Variants in EPS15 observed in about 807,000 individuals in gnomAD.
EPS15 encodes the protein epidermal growth factor receptor pathway substrate 15, also known as epidermal growth factor receptor substrate 15.
EPS15 carries 72 observed loss-of-function variants against 113.8 expected under a neutral mutation model. That is an observed-to-expected ratio of 0.63 (90% CI 0.52 to 0.77). The LOEUF (loss-of-function observed/expected upper bound fraction) is 0.77. Ranked by LOEUF, EPS15 falls within the 30% of genes least tolerant of loss-of-function variation. The pLI is 0.00. For missense variants in EPS15, 1,048 were observed against 1,045.8 expected (o/e 1.00, Z -0.03); for synonymous variants, 344 against 363.4 (o/e 0.95, Z 0.61).
chr1:51,356,811 C>G lies in EPS15; in HGVS notation c.2580G>C (p.Lys860Asn), dbSNP rs1295375727. ...GCTCTTCCTCTCTCTCACTTTCCCT[C>G]TTGGCCCATTCGATCATATCTTCTT... ...PSEEDMIEWAKRESEREEEQR... is the reference protein window; with the variant it reads ...PSEEDMIEWANRESEREEEQR... Residue 860 changes from lysine to asparagine, a missense_variant, in exon 25 of 25, where the codon AAG (lysine) becomes AAC (asparagine). Transcript: ENST00000371733. 1.2e-6 allele frequency: 2 copies of G among 1,613,742 alleles called. No individual in the cohort carries two copies. The highest frequency in any genetic ancestry group is 2.7e-5 in the African/African-American group (2 of 74,912).
chr1:51,419,023 A>C (rs1389696212), intron 13 of EPS15, among the ~76,000 whole-genome samples: 1 of 152,194 alleles, frequency 6.6e-6, no homozygotes, highest in East Asian at 1.9e-4. Flanking sequence ...AATTTTTAAT[A>C]AGATCATACA....
At chr1:51,487,047 C>T (rs572232505) in intron 1 of EPS15, among the ~76,000 whole-genome samples, 4 of 152,154 alleles carry the variant, frequency 2.6e-5, no homozygotes, top group Non-Finnish European at 5.9e-5. Context: ...TAACTGGGGA[C>T]AGCAGCACAT....
chr1:51,372,951 CT>C, intron 21 of EPS15: 1 of 529,126 alleles, frequency 1.9e-6, no homozygotes, highest in South Asian at 2.1e-5. Context: ...TGCAGGAAGT[CT>C]TCAATCTGCT....
At chr1:51,493,688 G>T (rs1256873633) in intron 1 of EPS15, among the ~76,000 whole-genome samples, 1 of 150,922 alleles carries the variant, frequency 6.6e-6, no homozygotes, top group African/African-American at 2.4e-5. Flanking sequence ...GCACGATCTC[G>T]GCTCACTGCA....
intron 21 of EPS15, among the ~76,000 whole-genome samples, chr1:51,391,297 C>T (rs1375813720): frequency 3.3e-5 from 5 of 151,910 alleles, no homozygotes; most frequent in Admixed American, 6.6e-5. Context: ...GGGAACATCA[C>T]ACACCATGGC....
At chr1:51,409,162 T>TC (rs1166467672) in intron 14 of EPS15, among the ~76,000 whole-genome samples, 4 of 151,856 alleles carry the variant, frequency 2.6e-5, no homozygotes, top group Non-Finnish European at 5.9e-5. Context: ...CTCCAGCAAT[T>TC]CCCCCCGCCT....
chr1:51,388,502 C>T (rs1462306053), intron 21 of EPS15, among the ~76,000 whole-genome samples: 1 of 151,980 alleles, frequency 6.6e-6, no homozygotes, highest in Admixed American at 6.6e-5. Context: ...GACAAAAAAG[C>T]CCTTCAAAAT....
intron 21 of EPS15, among the ~76,000 whole-genome samples, chr1:51,384,294 C>CTTTTTTT (rs201374174): frequency 1.9e-4 from 19 of 98,522 alleles, no homozygotes; most frequent in African/African-American, 6.8e-4. Context: ...CTTTTTCTTT[C>CTTTTTTT]TTTCTTTTTT....
chr1:51,378,005 C>T (rs920585018), intron 21 of EPS15, among the ~76,000 whole-genome samples: 1 of 151,454 alleles, frequency 6.6e-6, no homozygotes, highest in Non-Finnish European at 1.5e-5. Context: ...AAGCAATTCT[C>T]CTGCCTCAGC....
At chr1:51,501,519 A>G (rs1644414309) in intron 1 of EPS15, among the ~76,000 whole-genome samples, 1 of 151,498 alleles carries the variant, frequency 6.6e-6, no homozygotes, top group African/African-American at 2.4e-5. Flanking sequence ...TTGCTCTGTC[A>G]CCCAGGCTGG....
chr1:51,463,822 A>T, intron 6 of EPS15, 24 bp from the exon 7 acceptor site: 1 of 1,480,130 alleles, frequency 6.8e-7, no homozygotes, highest in Non-Finnish European at 9.2e-7. Flanking sequence ...CAAAATCACA[A>T]GTTAAATAAT....
chr1:51,497,585 G>A (rs576758278), intron 1 of EPS15, among the ~76,000 whole-genome samples: 29 of 152,232 alleles, frequency 1.9e-4, no homozygotes, highest in Non-Finnish European at 4.0e-4. Context: ...CCCAATTCAC[G>A]CATCTTAGAA....
At position 51,363,399 on chromosome 1, in the gene EPS15, T is replaced by C. The variant is rs376370651; in HGVS notation, c.2359+467A>G. Among the ~76,000 whole-genome samples the C allele has an allele frequency of 2.0e-5, 3 of 152,240 alleles. No homozygotes were observed. The East Asian group carries it at 5.8e-4, about 29-fold the overall frequency. On this transcript the variant is annotated intron_variant, in intron 23 of 24. Transcript: ENST00000371733. ...TTCAAATCACTGTATTGCTGAATTC[T>C]GGATACTAAAGAGGCCATATATTCT...
intron 1 of EPS15, among the ~76,000 whole-genome samples, chr1:51,490,867 T>C (rs1327963506): frequency 1.3e-5 from 2 of 152,102 alleles, no homozygotes; most frequent in Non-Finnish European, 2.9e-5. Flanking sequence ...ACCGGCAAAA[T>C]TTAAATAAGG....
chr1:51,451,227 G>C (rs532563575), intron 8 of EPS15, among the ~76,000 whole-genome samples: 1 of 151,764 alleles, frequency 6.6e-6, no homozygotes, highest in Non-Finnish European at 1.5e-5. Context: ...GGTGGCTCAC[G>C]CCTGTAATCC....
chr1:51,450,256 TTAG>T (rs1252166004), intron 8 of EPS15, among the ~76,000 whole-genome samples: 4 of 151,828 alleles, frequency 2.6e-5, no homozygotes, highest in Admixed American at 2.6e-4. Flanking sequence ...GGGCTGTATT[TTAG>T]TCCGTTTTTG....
chr1:51,358,714 T>TG (rs967732298), intron 24 of EPS15, among the ~76,000 whole-genome samples: 10 of 149,342 alleles, frequency 6.7e-5, no homozygotes, highest in African/African-American at 2.2e-4. Flanking sequence ...TTTTTGTTTT[T>TG]TTTTTTTTTT....
intron 11 of EPS15, 49 bp from the exon 12 acceptor site, chr1:51,440,481 A>T (rs1413967860): frequency 2.3e-6 from 2 of 869,978 alleles, no homozygotes; most frequent in Non-Finnish European, 3.5e-6. Context: ...ATTAGGTAAT[A>T]TAAGACAAAA....
chr1:51,452,091 G>C (rs1480936308), intron 8 of EPS15, among the ~76,000 whole-genome samples: 3 of 151,414 alleles, frequency 2.0e-5, no homozygotes, highest in East Asian at 3.9e-4. Context: ...ATGTTGCCCA[G>C]GCTGGTTGGT....
Sources: gnomAD v4.1 joint callset for allele counts (sites outside exome capture counted in the v4.1 genomes callset) on GRCh38, gnomAD v4.1.1 for gene constraint, MANE v1.5 for transcripts, NCBI Gene and HGNC (gene_info 2026-07-23, HGNC 2026-07-21) for gene names.